The following GABPB2 variants were observed in gnomAD, a reference collection of about 807,000 sequenced individuals.
GABPB2 encodes the protein GA-binding protein subunit beta-2.
GABPB2 carries 23 observed loss-of-function variants against 39.1 expected under a neutral mutation model. That is an observed-to-expected ratio of 0.59 (90% CI 0.42 to 0.83). The LOEUF (loss-of-function observed/expected upper bound fraction) is 0.83. Among genes scored for constraint, GABPB2 ranks in the 40% least tolerant of loss-of-function variants. The pLI is 0.00. For synonymous variants in GABPB2, 184 were observed against 199.3 expected, an observed-to-expected ratio of 0.92 and a Z score of 0.65; for missense variants, 467 against 541.1, an observed-to-expected ratio of 0.86 and a Z score of 1.36.
At chr1:151,095,821 G>A (rs1408912068) in intron 4 of GABPB2, among the ~76,000 whole-genome samples, 1 of 151,794 alleles carries the variant, frequency 6.6e-6, no homozygotes, top group African/African-American at 2.4e-5. Context: ...ATCCCCTGAG[G>A]TCAGGACTTC....
At position 151,090,366 on chromosome 1, in the gene GABPB2, T is replaced by G. The variant is rs371214432; in HGVS notation, c.109-40T>G. 15 of 1,588,508 alleles carry G rather than the reference T, an allele frequency of 9.4e-6. No homozygotes were observed. The African/African-American group carries it at 1.3e-4, about 14-fold the overall frequency. ...TCTCTCCAGTAACGATCTAGGACTC[T>G]GCACACAGTGGATATTCAATGAGCA... On this transcript the variant is annotated intron_variant, in intron 2 of 8. Coordinates refer to ENST00000368918, the MANE Select transcript of GABPB2 (RefSeq NM_144618.3).
intron 3 of GABPB2, 95 bp downstream of exon 3, chr1:151,090,668 G>T (rs1170791643): frequency 2.4e-6 from 3 of 1,269,788 alleles, no homozygotes; most frequent in African/African-American, 1.5e-5. Context: ...ACTTGGGAAT[G>T]ATTAAGTTTA....
intron 4 of GABPB2, among the ~76,000 whole-genome samples, chr1:151,095,843 G>A (rs755115600): frequency 3.7e-4 from 57 of 152,092 alleles, no homozygotes; most frequent in Non-Finnish European, 7.5e-4. Flanking sequence ...AGACCAGCCT[G>A]GCCAACATGG....
chr1:151,107,324 T>G, intron 7 of GABPB2, 102 bp downstream of exon 7: 1 of 747,448 alleles, frequency 1.3e-6, no homozygotes, highest in Non-Finnish European at 1.9e-6. Flanking sequence ...AGTGGGAGAT[T>G]GCCAGATGCA....
rs1380250068 is a variant in GABPB2, at chr1:151,122,724, C to CT, written c.*4471dup. The CT allele has an allele frequency of 6.6e-6, 1 of 152,026 alleles. No individual in the cohort carries two copies. The highest frequency in any genetic ancestry group is 1.9e-4 in the East Asian group (1 of 5,182). 9.4% of individuals were successfully genotyped at this position (152,026 alleles called of 1,614,324 possible). A position where few individuals can be genotyped will look rare whatever the true frequency, so the allele number is the denominator to read the frequency against. Reference sequence around the variant, plus strand: ...GAATTCTTTAGCAGATCTTATTGTTCTTTCTGCAGAAGCTATCATTCCTAC... The same window carrying CT: ...GAATTCTTTAGCAGATCTTATTGTTCTTTTCTGCAGAAGCTATCATTCCTAC... On this transcript the variant is annotated 3_prime_UTR_variant, in exon 9 of 9. Transcript: ENST00000368918.
At chr1:151,107,609 G>A (rs1425489366) in intron 7 of GABPB2, among the ~76,000 whole-genome samples, 4 of 151,316 alleles carry the variant, frequency 2.6e-5, no homozygotes, top group African/African-American at 7.3e-5. Context: ...TCACGCACCC[G>A]GGTTCACCGC....
At chr1:151,077,356 G>GTTTTTTT (rs35650542) in intron 1 of GABPB2, among the ~76,000 whole-genome samples, 5 of 110,630 alleles carry the variant, frequency 4.5e-5, no homozygotes, top group Non-Finnish European at 6.9e-5. Flanking sequence ...CAACTCATAG[G>GTTTTTTT]TTTTTTTTTT....
intron 1 of GABPB2, among the ~76,000 whole-genome samples, chr1:151,081,308 G>A (rs7536234): frequency 0.59 from 89,859 of 151,134 alleles, 29,609 homozygotes; most frequent in East Asian, 0.89. Context: ...GGACAACATG[G>A]TGAAACCCCG....
rs1418218467 is a variant in GABPB2 at position 151,091,641 on chromosome 1, A to AT, written c.276+1077dup. On this transcript the variant is annotated intron_variant, in intron 3 of 8. Transcript: ENST00000368918. Reference sequence around the variant, plus strand: ...AGGCGCCCACCACCATGCTCAGCTAATTTTTTTTTGTATTTTTAGTAGAGA... The same window carrying AT: ...AGGCGCCCACCACCATGCTCAGCTAATTTTTTTTTTGTATTTTTAGTAGAGA... 4.0e-5 allele frequency among the ~76,000 whole-genome samples: 6 copies of AT among 148,194 alleles called. 1 individual carries two copies. Among genetic ancestry groups the AT allele is most frequent in the Admixed American group, 2.0e-4 (3 of 14,774 alleles).
At chr1:151,090,858 C>T (rs587597251) in intron 3 of GABPB2, among the ~76,000 whole-genome samples, 12 of 151,538 alleles carry the variant, frequency 7.9e-5, no homozygotes, top group East Asian at 2.0e-4. Context: ...ATTAGCAGGA[C>T]GTGGTGGTGC....
At chr1:151,085,449 A>G (rs1216167504) in intron 1 of GABPB2, among the ~76,000 whole-genome samples, 1 of 151,064 alleles carries the variant, frequency 6.6e-6, no homozygotes, top group Non-Finnish European at 1.5e-5. Context: ...TATTTATTTT[A>G]TTTTTTTTTG....
intron 5 of GABPB2, among the ~76,000 whole-genome samples, chr1:151,100,666 G>A (rs762951431): frequency 2.4e-4 from 29 of 122,664 alleles, no homozygotes; most frequent in African/African-American, 3.4e-4. Context: ...TTGGCTCACC[G>A]CAAACTCTGC....
intron 1 of GABPB2, among the ~76,000 whole-genome samples, chr1:151,073,979 C>CTTT (rs587690492): frequency 3.1e-5 from 4 of 129,050 alleles, no homozygotes; most frequent in South Asian, 2.6e-4. Flanking sequence ...ATGGTTATTT[C>CTTT]TTTTTTTTTT....
chr1:151,095,618 A>G (rs1679040149), intron 4 of GABPB2, among the ~76,000 whole-genome samples: 1 of 152,194 alleles, frequency 6.6e-6, no homozygotes, highest in African/African-American at 2.4e-5. Context: ...CTGTGCTCCC[A>G]TAGCACTTAC....
At chr1:151,107,465 C>T (rs1189305605) in intron 7 of GABPB2, among the ~76,000 whole-genome samples, 1 of 150,022 alleles carries the variant, frequency 6.7e-6, no homozygotes, top group Non-Finnish European at 1.5e-5. Context: ...ATAATATGAA[C>T]CAATAGTTCA....
chr1:151,113,485 A>AG (rs1680629330), intron 7 of GABPB2, among the ~76,000 whole-genome samples: 1 of 151,968 alleles, frequency 6.6e-6, no homozygotes, highest in Non-Finnish European at 1.5e-5. Flanking sequence ...AAAAAAAAAA[A>AG]AAAATGCTGT....
chr1:151,091,465 CAAAAAAAAAAAAAAAAAAAA>C (rs34351787), intron 3 of GABPB2, among the ~76,000 whole-genome samples: 1 of 73,444 alleles, frequency 1.4e-5, no homozygotes, highest in Non-Finnish European at 2.4e-5. Flanking sequence ...TCCTGTGTCT[CAAAAAAAAAAAAAAAAAAAA>C]AAAAAAAAAG....
chr1:151,098,810 G>A (rs587719471), intron 5 of GABPB2, among the ~76,000 whole-genome samples: 29 of 152,108 alleles, frequency 1.9e-4, no homozygotes, highest in Admixed American at 1.5e-3. Context: ...TTGACTTGGC[G>A]CGGTGCCTCA....
At chr1:151,076,520 C>T (rs906630880) in intron 1 of GABPB2, among the ~76,000 whole-genome samples, 1 of 152,004 alleles carries the variant, frequency 6.6e-6, no homozygotes, top group African/African-American at 2.4e-5. Context: ...AGCTCTGCCT[C>T]CTGGGTTCAA....
Sources: allele counts gnomAD v4.1 joint callset (sites outside exome capture counted in the v4.1 genomes callset), GRCh38; gene constraint gnomAD v4.1.1; transcripts MANE v1.5; gene names NCBI Gene and HGNC (gene_info 2026-07-23, HGNC 2026-07-21).